The following CTNNA2 variants were observed in gnomAD, a reference collection of about 807,000 sequenced individuals.
The protein encoded by CTNNA2 is catenin alpha 2.
Under a neutral mutation model 101.0 loss-of-function variants are expected in CTNNA2, and 42 were observed. That is an observed-to-expected ratio of 0.42 (90% CI 0.32 to 0.54). CTNNA2 has a LOEUF of 0.54. Among genes scored for constraint, CTNNA2 ranks in the 20% least tolerant of loss-of-function variants. The pLI, the probability that CTNNA2 is intolerant of heterozygous loss-of-function variation, is 0.14. For missense variants in CTNNA2, 871 were observed against 1,223.1 expected (o/e 0.71, Z 4.29); for synonymous variants, 450 against 456.4 (o/e 0.99, Z 0.18).
At chr2:80,450,306 C>CT (rs76540370) in intron 9 of CTNNA2, among the ~76,000 whole-genome samples, 165 of 146,588 alleles carry the variant, frequency 1.1e-3, no homozygotes, top group Middle Eastern at 7.1e-3. Context: ...ACCATAATAG[C>CT]TTTTTTTTTT....
At chr2:79,909,947 C>T (rs1014831553) in intron 7 of CTNNA2, 150 bp downstream of exon 7, 5 of 730,922 alleles carry the variant, frequency 6.8e-6, no homozygotes, top group Non-Finnish European at 1.1e-5. Flanking sequence ...TTTGGGAGAG[C>T]GCGTGTCGTG....
intron 15 of CTNNA2, among the ~76,000 whole-genome samples, chr2:80,594,158 T>C (rs1696745968): frequency 1.3e-5 from 2 of 152,070 alleles, no homozygotes; most frequent in African/African-American, 4.8e-5. Flanking sequence ...AAACTTGTTT[T>C]CTGTTTTTTT....
Position 79,874,126 on chromosome 2 carries a change from T to C in CTNNA2, c.636T>C (p.Ala212=). 6.2e-7 allele frequency: 1 copy of C among 1,614,150 alleles called. No homozygotes were observed. Among genetic ancestry groups the C allele is most frequent in the Non-Finnish European group, 8.5e-7 (1 of 1,180,036 alleles). ...ATGAGATGGCAGCCGCCCGAGGGGC[T>C]CTGAAGAAGAATGCCACAATGCTGT... ...CRDEMAAARG[A]LKKNATMLYT... The change falls in exon 6 of 19, where the codon GCT becomes GCC. Residue 212 remains alanine, a synonymous_variant. Coordinates refer to ENST00000402739, the MANE Select transcript of CTNNA2 (RefSeq NM_001282597.3).
rs13388504 is a variant in CTNNA2, at chr2:79,227,704, T to A, written c.-406+29628T>A. ...ACATATTTTAATTAAAATACTCTAT[T>A]GCTAAAAATGCTAATGATCATCTGA... On this transcript the variant is annotated intron_variant, in intron 2 of 21. Coordinates refer to the CTNNA2 transcript ENST00000466387. 7.4e-3 allele frequency among the ~76,000 whole-genome samples: 1,130 copies of A among 152,304 alleles called. 17 individuals are homozygous for A. The highest frequency in any genetic ancestry group is 0.063 in the East Asian group (325 of 5,180).
chr2:79,367,602 T>G (rs1456286806), intron 3 of CTNNA2, among the ~76,000 whole-genome samples: 1 of 152,120 alleles, frequency 6.6e-6, no homozygotes, highest in East Asian at 1.9e-4. Flanking sequence ...GTTTGTGGTC[T>G]GACTTTCTTA....
chr2:79,640,608 T>A (rs1048040225), intron 1 of CTNNA2, among the ~76,000 whole-genome samples: 5 of 152,260 alleles, frequency 3.3e-5, no homozygotes, highest in African/African-American at 1.2e-4. Flanking sequence ...ACAAAGAATA[T>A]GTCTAAGAAT....
At chr2:79,219,255 A>T (rs576195391) in intron 2 of CTNNA2, among the ~76,000 whole-genome samples, 29 of 152,308 alleles carry the variant, frequency 1.9e-4, no homozygotes, top group African/African-American at 5.8e-4. Flanking sequence ...CCATTTGTTC[A>T]GTGTTATAAA....
At chr2:80,519,844 C>T (rs1294076139) in intron 9 of CTNNA2, among the ~76,000 whole-genome samples, 2 of 152,172 alleles carry the variant, frequency 1.3e-5, no homozygotes, top group Admixed American at 6.5e-5. Context: ...TCATCAGATG[C>T]AGACCCATAA....
chr2:79,459,266 A>G (rs1375818592), intron 4 of CTNNA2, among the ~76,000 whole-genome samples: 1 of 152,180 alleles, frequency 6.6e-6, no homozygotes, highest in Non-Finnish European at 1.5e-5. Flanking sequence ...GTGAACTTCT[A>G]CTCATAGTTC....
chr2:80,508,975 T>G (rs1428199361), intron 9 of CTNNA2, among the ~76,000 whole-genome samples: 1 of 152,204 alleles, frequency 6.6e-6, no homozygotes, highest in Non-Finnish European at 1.5e-5. Flanking sequence ...TGTTATTTTT[T>G]CCATATCATT....
At chr2:80,523,137 A>T (rs1319719124) in intron 9 of CTNNA2, among the ~76,000 whole-genome samples, 3 of 152,204 alleles carry the variant, frequency 2.0e-5, no homozygotes, top group Non-Finnish European at 4.4e-5. Flanking sequence ...AGTATTGAAT[A>T]GGTGCCATAC....
chr2:79,340,657 C>A (rs1432165081), intron 3 of CTNNA2, among the ~76,000 whole-genome samples: 1 of 151,810 alleles, frequency 6.6e-6, no homozygotes, highest in Non-Finnish European at 1.5e-5. Context: ...CACGGTGAAA[C>A]CCTGTCTCTA....
intron 2 of CTNNA2, among the ~76,000 whole-genome samples, chr2:79,696,024 G>T (rs1302850137): frequency 1.7e-4 from 26 of 152,024 alleles, no homozygotes; most frequent in Non-Finnish European, 2.9e-5. Flanking sequence ...CCTGTCCCTT[G>T]GTGGAAGCCC....
chr2:79,655,289 C>A (rs1681532118), intron 2 of CTNNA2, among the ~76,000 whole-genome samples: 1 of 152,106 alleles, frequency 6.6e-6, no homozygotes, highest in African/African-American at 2.4e-5. Flanking sequence ...TATTAGAATA[C>A]AGTACCTGGT....
In CTNNA2 at chr2:79,504,865, C is replaced by T. The variant is rs372161894; in HGVS notation, c.-134-189C>T. ...AGTGTTGATTATTTGACTACTTTGC[C>T]GCTTTTCCCACCATTCTTTAATTTT... is the stretch of plus-strand genomic sequence containing the variant. On this transcript the variant is annotated intron_variant, in intron 4 of 21. Coordinates refer to the CTNNA2 transcript ENST00000466387. Among the ~76,000 whole-genome samples, 105 of 152,234 alleles carry T rather than the reference C, an allele frequency of 6.9e-4. 1 individual carries two copies. The South Asian group carries it at 0.02, about 29-fold the overall frequency.
chr2:80,357,378 C>T (rs141178844), intron 7 of CTNNA2, among the ~76,000 whole-genome samples: 76 of 151,970 alleles, frequency 5.0e-4, no homozygotes, highest in African/African-American at 1.8e-3. Context: ...TCAGCAGTCT[C>T]ATAGTCTATC....
rs1231077046 is a variant in CTNNA2, at chr2:79,411,159, T to C, written c.-135+37146T>C. 4.6e-5 allele frequency among the ~76,000 whole-genome samples: 7 copies of C among 152,148 alleles called. No homozygotes were observed. The East Asian group carries it at 1.2e-3, about 25-fold the overall frequency. On this transcript the variant is annotated intron_variant, in intron 4 of 21. Coordinates refer to the CTNNA2 transcript ENST00000466387. ...ATCGGTGGTGATATCCCCTTTATCA[T>C]TTTTTATCGCGTCTATTTGATTCTT...
At chr2:80,378,802 C>T (rs11126762) in intron 7 of CTNNA2, 33,411 of 151,972 alleles carry the variant, frequency 0.22, 3,958 homozygotes, top group East Asian at 0.53. Context: ...ATGAGGGATG[C>T]GGGGTGAGAC....
At chr2:79,538,048 A>G (rs1183487587) in intron 1 of CTNNA2, among the ~76,000 whole-genome samples, 1 of 152,176 alleles carries the variant, frequency 6.6e-6, no homozygotes, top group Non-Finnish European at 1.5e-5. Context: ...TTTAAACTCC[A>G]TTCACTCAAT....
Sources: allele counts gnomAD v4.1 joint callset (sites outside exome capture counted in the v4.1 genomes callset), GRCh38; gene constraint gnomAD v4.1.1; transcripts MANE v1.5; gene names NCBI Gene and HGNC (gene_info 2026-07-23, HGNC 2026-07-21).